Variants in OTULIN observed in about 807,000 individuals in gnomAD.
The protein encoded by OTULIN is ubiquitin thioesterase otulin.
Under a neutral mutation model 39.6 loss-of-function variants are expected in OTULIN, and 15 were observed. The observed-to-expected ratio is 0.38, with a 90% CI of 0.25 to 0.58. The LOEUF is 0.58. Ranked by LOEUF, OTULIN falls within the 20% of genes least tolerant of loss-of-function variation. The pLI, the probability that OTULIN is intolerant of heterozygous loss-of-function variation, is 0.66. For synonymous variants in OTULIN, 156 were observed against 170.3 expected (o/e 0.92, Z 0.65); for missense variants, 319 against 445.9 (o/e 0.72, Z 2.56).
the OTULIN span, chr5:14,705,574 TCCCGAAG>T: frequency 6.6e-6 from 1 of 152,296 alleles, no homozygotes; most frequent in Non-Finnish European, 1.5e-5. Flanking sequence ...TTGTCCACTT[TCCCGAAG>T]CCCTTTGATT....
At position 14,699,162 on chromosome 5, in the gene OTULIN, C is replaced by A. The variant is rs1561007912; in HGVS notation, c.*6114C>A. On this transcript the variant is annotated 3_prime_UTR_variant, in exon 7 of 7. Coordinates refer to ENST00000284274, the MANE Select transcript of OTULIN (RefSeq NM_138348.6). ...ATTTCTTTATGAACCATTTACACTG[C>A]TGGAAATGTACCCACTAATGTGATG... 1 of 152,222 alleles carries A rather than the reference C, an allele frequency of 6.6e-6. No homozygotes were observed. The highest frequency in any genetic ancestry group is 2.4e-5 in the African/African-American group (1 of 41,444). The allele number at this position is 152,222 out of a possible 1,614,324, so 9.4% of individuals were successfully genotyped here. A position where few individuals can be genotyped will look rare whatever the true frequency, so the allele number is the denominator to read the frequency against.
chr5:14,712,977 C>T, the OTULIN span: 18 of 1,610,734 alleles, frequency 1.1e-5, 1 homozygote, highest in South Asian at 3.3e-5. Flanking sequence ...GTGCACCCTG[C>T]AGATGAGAAC....
chr5:14,711,117 A>ATACGATGGGAGAGGG, the OTULIN span: 1 of 1,243,532 alleles, frequency 8.0e-7, no homozygotes. Context: ...AGGGAACAAA[A>ATACGATGGGAGAGGG]TACGATGGGA....
At chr5:14,686,565 T>C (rs1736393049) in intron 4 of OTULIN, among the ~76,000 whole-genome samples, 1 of 152,196 alleles carries the variant, frequency 6.6e-6, no homozygotes. Context: ...AGGTTCCTCA[T>C]AGGATATTGT....
intron 2 of OTULIN, 67 bp from the exon 3 acceptor site, chr5:14,678,614 C>A: frequency 8.9e-7 from 1 of 1,117,704 alleles, no homozygotes; most frequent in Non-Finnish European, 1.2e-6. Flanking sequence ...TAACCCCCAA[C>A]TGAAGCAGTA....
the OTULIN span, chr5:14,707,155 G>A: frequency 6.6e-6 from 1 of 152,206 alleles, no homozygotes; most frequent in Non-Finnish European, 1.5e-5. Flanking sequence ...ATGCTGTCCT[G>A]GGCACTGTTC....
At chr5:14,675,383 C>A (rs960647216) in intron 2 of OTULIN, among the ~76,000 whole-genome samples, 19 of 152,210 alleles carry the variant, frequency 1.2e-4, no homozygotes, top group Non-Finnish European at 1.5e-5. Context: ...GAGCCCCCCT[C>A]AAGCAATTGG....
chr5:14,696,564 T>C lies in OTULIN; in HGVS notation c.*3516T>C, dbSNP rs1182206720. The stretch of plus-strand genomic sequence containing the variant: ...GGCGCAATATCAAGTAATTTAAAAA[T>C]GGTCCAAGGAACTGTAAGAAGGAGG... On this transcript the variant is annotated 3_prime_UTR_variant, in exon 7 of 7. Coordinates refer to ENST00000284274, the MANE Select transcript of OTULIN (RefSeq NM_138348.6). The C allele has an allele frequency of 1.3e-5, 2 of 152,192 alleles. No individual in the cohort carries two copies. The highest frequency in any genetic ancestry group is 2.9e-5 in the Non-Finnish European group (2 of 68,030). 9.4% of individuals were successfully genotyped at this position (152,192 alleles called of 1,614,324 possible). A position where few individuals can be genotyped will look rare whatever the true frequency, so the allele number is the denominator to read the frequency against.
Position 14,690,002 on chromosome 5 carries a change from C to G in OTULIN, c.595-37C>G. ...GGTACTATACCAGGGATTTTTAGAACAAAAATTCTAATTATTACATAACTT... is the reference window on the plus strand; with the variant it reads ...GGTACTATACCAGGGATTTTTAGAAGAAAAATTCTAATTATTACATAACTT... On this transcript the variant is annotated intron_variant, in intron 5 of 6. Transcript: ENST00000284274. The surrounding 1 kb of genome is among the most constrained non-coding windows in gnomAD (Gnocchi z 4.5). 2.5e-6 allele frequency: 4 copies of G among 1,586,850 alleles called. No homozygotes were observed. Among genetic ancestry groups the G allele is most frequent in the Non-Finnish European group, 3.4e-6 (4 of 1,167,616 alleles).
rs147790160 is a variant in OTULIN, at chr5:14,681,484, G to T, written c.345G>T (p.Gln115His). ...CCCAGGGCTATGAAGAGGTTTCTCA[G>T]AAGTTCACCTCCATACGGCGAGTCC... is the stretch of plus-strand genomic sequence containing the variant. The part of the protein sequence containing the change: ...CMKMGYEEVS[Q>H]KFTSIRRVRG... The change falls in exon 4 of 7, where the codon CAG (glutamine) becomes CAT (histidine). Residue 115 changes from glutamine to histidine, a missense_variant. By Grantham distance (24) the Gln-to-His change is conservative. This residue lies in a region of OTULIN where 27 missense variants were observed against 58.8 expected (regional missense o/e 0.46). Transcript: ENST00000284274. 6.5e-3 allele frequency: 10,530 copies of T among 1,612,558 alleles called. 76 individuals are homozygous for T. The highest frequency in any genetic ancestry group is 0.035 in the Middle Eastern group (211 of 6,054).
intron 1 of OTULIN, among the ~76,000 whole-genome samples, chr5:14,665,382 G>C (rs1468158431): frequency 1.3e-5 from 2 of 152,230 alleles, no homozygotes; most frequent in Middle Eastern, 3.2e-3. Context: ...TGCGCGACTT[G>C]TTCTTGGAGG....
intron 1 of OTULIN, among the ~76,000 whole-genome samples, chr5:14,665,519 A>G (rs1295044709): frequency 1.3e-5 from 2 of 152,210 alleles, no homozygotes; most frequent in African/African-American, 2.4e-5. Context: ...AGTGCTGGTT[A>G]GATCAATTTC....
At chr5:14,714,499 G>A in the OTULIN span, among the ~76,000 whole-genome samples, 2 of 152,194 alleles carry the variant, frequency 1.3e-5, no homozygotes. Context: ...AAGGGCTCTT[G>A]GAGGAGGAAG....
At chr5:14,712,442 C>T in the OTULIN span, among the ~76,000 whole-genome samples, 7 of 152,250 alleles carry the variant, frequency 4.6e-5, no homozygotes, top group Admixed American at 3.3e-4. Flanking sequence ...ATCTCTGCTC[C>T]GCCCATGACC....
Position 14,695,359 on chromosome 5 carries a change from C to T in OTULIN, c.*2311C>T, listed in dbSNP as rs996598131. The T allele has an allele frequency of 6.6e-6, 1 of 152,160 alleles. No homozygotes were observed. Among genetic ancestry groups the T allele is most frequent in the Non-Finnish European group, 1.5e-5 (1 of 68,032 alleles). The allele number at this position is 152,160 out of a possible 1,614,324, so 9.4% of individuals were successfully genotyped here. On this transcript the variant is annotated 3_prime_UTR_variant, in exon 7 of 7. Coordinates refer to ENST00000284274, the MANE Select transcript of OTULIN (RefSeq NM_138348.6). ...TCTTGAGCTGGTCAGGTGACATCAG[C>T]AGATTAGAAGTTGAATGGAGATTAA...
At chr5:14,666,408 T>TA (rs984282354) in intron 1 of OTULIN, among the ~76,000 whole-genome samples, 24 of 148,928 alleles carry the variant, frequency 1.6e-4, no homozygotes, top group East Asian at 3.9e-4. Context: ...GAAAGGAATG[T>TA]AAAAAAAAAA....
the OTULIN span, chr5:14,709,301 A>G: frequency 1.4e-5 from 1 of 70,070 alleles, no homozygotes; most frequent in African/African-American, 3.4e-5. Context: ...AAAAGCTGAT[A>G]CATTGAGATT....
the OTULIN span, chr5:14,711,057 C>G: frequency 1.3e-6 from 1 of 785,620 alleles, no homozygotes; most frequent in South Asian, 1.4e-5. Flanking sequence ...AGAATTGACA[C>G]GAAACCTTTA....
chr5:14,673,792 A>G (rs1736034316), intron 2 of OTULIN, 74 bp downstream of exon 2: 8 of 1,232,572 alleles, frequency 6.5e-6, no homozygotes, highest in Middle Eastern at 3.9e-4. Flanking sequence ...CCGTATAACC[A>G]TTTTCATAAA....
Sources: gnomAD v4.1 joint callset for allele counts (sites outside exome capture counted in the v4.1 genomes callset) on GRCh38, gnomAD v4.1.1 for gene constraint, gnomAD v4.1.1 regional missense constraint, Gnocchi (gnomAD v3.1) non-coding constraint, MANE v1.5 for transcripts, NCBI Gene and HGNC (gene_info 2026-07-23, HGNC 2026-07-21) for gene names.